CECR2: variants seen among roughly 807,000 people sequenced by gnomAD.
The protein encoded by CECR2 is chromatin remodeling regulator CECR2.
A neutral mutation model predicts 154.5 loss-of-function variants in CECR2; 30 were observed. The observed-to-expected ratio is 0.19, with a 90% CI of 0.15 to 0.26. The LOEUF (loss-of-function observed/expected upper bound fraction) is 0.26, where lower values mean the gene tolerates loss of function less well. CECR2 is among the 10% of genes least tolerant of loss of function. CECR2 has a pLI of 1.00. For missense variants in CECR2, 1,743 were observed against 1,829.3 expected (o/e 0.95, Z 0.86); for synonymous variants, 725 against 683.7 (o/e 1.06, Z -0.94).
chr22:17,551,186 C>G (rs149763834), intron 17 of CECR2, among the ~76,000 whole-genome samples: 1 of 152,190 alleles, frequency 6.6e-6, no homozygotes, highest in Non-Finnish European at 1.5e-5. Context: ...GAGCATGCAT[C>G]TCCTAAGAAT....
In CECR2 at chr22:17,556,702, G is replaced by A. The variant is rs2056775599; in HGVS notation, c.*3862G>A. On this transcript the variant is annotated 3_prime_UTR_variant, in exon 19 of 19. Transcript: ENST00000262608. The stretch of plus-strand genomic sequence containing the variant: ...GTGTAAGAACCCCAACCTGCTTGCA[G>A]AGAACCTTGGTTTTCATAGAAAGGA... The A allele has an allele frequency of 6.6e-6, 1 of 152,214 alleles. No individual in the cohort carries two copies. Among genetic ancestry groups the A allele is most frequent in the African/African-American group, 2.4e-5 (1 of 41,458 alleles). 9.4% of individuals were successfully genotyped at this position (152,214 alleles called of 1,614,324 possible).
At chr22:17,457,133 T>G (rs1002134819) in intron 1 of CECR2, among the ~76,000 whole-genome samples, 1 of 152,242 alleles carries the variant, frequency 6.6e-6, no homozygotes, top group Non-Finnish European at 1.5e-5. Flanking sequence ...GTTCAAGCGA[T>G]TCTCCTGTCT....
rs2146461018 is a variant in CECR2 at position 17,378,399 on chromosome 22, C to A, written c.126+8490C>A. On this transcript the variant is annotated intron_variant, in intron 1 of 18. Coordinates refer to ENST00000262608, the MANE Select transcript of CECR2 (RefSeq NM_001290047.2). ...GCAACCTCTGCCTCCCGGGTTCACACCATTCTCCTGCTTCAGCCTCCTGAG... is the reference window on the plus strand; with the variant it reads ...GCAACCTCTGCCTCCCGGGTTCACAACATTCTCCTGCTTCAGCCTCCTGAG... Among the ~76,000 whole-genome samples the A allele has an allele frequency of 1.3e-5, 2 of 151,348 alleles. 1 individual carries two copies. The highest frequency in any genetic ancestry group is 3.9e-4 in the East Asian group (2 of 5,168).
intron 8 of CECR2, among the ~76,000 whole-genome samples, chr22:17,521,030 T>C (rs2056148559): frequency 1.3e-5 from 2 of 152,190 alleles, no homozygotes; most frequent in South Asian, 4.1e-4. Flanking sequence ...TCTTCCCCAA[T>C]GGTTGAACCA....
Position 17,540,402 on chromosome 22 carries a change from C to T in CECR2, c.1496-10C>T. Reference sequence around the variant, plus strand: ...TATACCTAGAAGTCAATCCTCCTGTCTTCCTATAGAGTATACCAAGATGTC... The same window carrying T: ...TATACCTAGAAGTCAATCCTCCTGTTTTCCTATAGAGTATACCAAGATGTC... On this transcript the variant is annotated splice_polypyrimidine_tract_variant and intron_variant, in intron 13 of 18. Transcript: ENST00000262608. 1 of 1,502,196 alleles carries T rather than the reference C, an allele frequency of 6.7e-7. No individual in the cohort carries two copies. The highest frequency in any genetic ancestry group is 8.9e-7 in the Non-Finnish European group (1 of 1,125,908). 93.1% of individuals were successfully genotyped at this position (1,502,196 alleles called of 1,614,324 possible).
chr22:17,487,874 T>A (rs1259368607), intron 2 of CECR2, among the ~76,000 whole-genome samples: 1 of 97,354 alleles, frequency 1.0e-5, no homozygotes, highest in African/African-American at 4.4e-5. Context: ...TTTCATGTAT[T>A]TATTTATTTA....
intron 1 of CECR2, among the ~76,000 whole-genome samples, chr22:17,412,117 C>A (rs551734780): frequency 5.3e-5 from 8 of 152,080 alleles, no homozygotes; most frequent in Non-Finnish European, 1.2e-4. Context: ...ATTCTAATGG[C>A]GAGTATTCTC....
intron 1 of CECR2, among the ~76,000 whole-genome samples, chr22:17,401,754 C>T (rs2053895611): frequency 6.6e-6 from 1 of 152,038 alleles, no homozygotes; most frequent in Non-Finnish European, 1.5e-5. Context: ...ATTCTTTAGA[C>T]ACATGCCTCC....
chr22:17,497,257 T>C (rs2055646283), intron 2 of CECR2, 146 bp from the exon 3 acceptor site: 2 of 764,466 alleles, frequency 2.6e-6, no homozygotes, highest in African/African-American at 1.8e-5. Flanking sequence ...GCCACTGTGC[T>C]CTAGCCTGGA....
intron 1 of CECR2, among the ~76,000 whole-genome samples, chr22:17,401,151 TAAAG>T (rs981771661): frequency 1.3e-5 from 2 of 152,094 alleles, no homozygotes; most frequent in Non-Finnish European, 2.9e-5. Flanking sequence ...TCATCTCCCC[TAAAG>T]AAAGAGTGTT....
intron 3 of CECR2, among the ~76,000 whole-genome samples, chr22:17,498,913 A>G (rs909064163): frequency 1.3e-5 from 2 of 152,168 alleles, no homozygotes; most frequent in African/African-American, 4.8e-5. Context: ...CAAAGTAGGT[A>G]CCACCTTCCC....
At chr22:17,404,323 C>T (rs183093115) in intron 1 of CECR2, among the ~76,000 whole-genome samples, 28 of 137,828 alleles carry the variant, frequency 2.0e-4, no homozygotes, top group African/African-American at 7.0e-4. Flanking sequence ...TTGCCCAAGT[C>T]AGTTTTCCAT....
intron 1 of CECR2, among the ~76,000 whole-genome samples, chr22:17,385,277 A>C (rs185489558): frequency 1.5e-3 from 227 of 152,324 alleles, no homozygotes; most frequent in African/African-American, 5.2e-3. Flanking sequence ...CTGGCTCAAG[A>C]GGCCTAGCTT....
At chr22:17,505,040 C>A in intron 7 of CECR2, 24 bp downstream of exon 7, 2 of 1,608,884 alleles carry the variant, frequency 1.2e-6, no homozygotes, top group Non-Finnish European at 1.7e-6. Flanking sequence ...TCTGCTCTGT[C>A]CTCCTCAGTG....
At chr22:17,365,375 T>C (rs534633187), upstream of CECR2, among the ~76,000 whole-genome samples, 109 of 152,294 alleles carry the variant, frequency 7.2e-4, no homozygotes, top group Non-Finnish European at 1.1e-3. Context: ...AATAACAGTG[T>C]ATTTCCCAAA....
rs146470207 is a variant in CECR2, at chr22:17,450,370, A to T, written c.127-27218A>T. Reference sequence around the variant, plus strand: ...ACTGCAACCTCTGCCTCCCGTGTTCAAGCGATTCTCCTGCCTCAGCCTCCT... The same window carrying T: ...ACTGCAACCTCTGCCTCCCGTGTTCTAGCGATTCTCCTGCCTCAGCCTCCT... On this transcript the variant is annotated intron_variant, in intron 1 of 18. Coordinates refer to ENST00000262608, the MANE Select transcript of CECR2 (RefSeq NM_001290047.2). Among the ~76,000 whole-genome samples, 1,326 of 152,312 alleles carry T rather than the reference A, an allele frequency of 8.7e-3. 74 individuals are homozygous for T. In the East Asian group the frequency reaches 0.15, roughly 18 times the overall value.
chr22:17,432,308 A>C (rs1394803888), intron 1 of CECR2, among the ~76,000 whole-genome samples: 1 of 152,224 alleles, frequency 6.6e-6, no homozygotes, highest in Non-Finnish European at 1.5e-5. Flanking sequence ...TTAGTACTTC[A>C]TTCCTTTATT....
intron 13 of CECR2, among the ~76,000 whole-genome samples, chr22:17,539,371 C>T (rs1382412585): frequency 6.6e-6 from 1 of 152,108 alleles, no homozygotes; most frequent in Non-Finnish European, 1.5e-5. Flanking sequence ...CTGGATTATA[C>T]TGTGTGTGCC....
intron 5 of CECR2, among the ~76,000 whole-genome samples, 196 bp downstream of exon 5, chr22:17,500,931 C>T (rs1386766787): frequency 1.3e-5 from 2 of 152,178 alleles, no homozygotes; most frequent in African/African-American, 4.8e-5. Flanking sequence ...AGTCACCTCC[C>T]CTCTCTAAGC....
Sources: allele counts gnomAD v4.1 joint callset (sites outside exome capture counted in the v4.1 genomes callset), GRCh38; gene constraint gnomAD v4.1.1; transcripts MANE v1.5; gene names NCBI Gene and HGNC (gene_info 2026-07-23, HGNC 2026-07-21).